DNAI4: variants seen among roughly 807,000 people sequenced by gnomAD.
DNAI4 encodes the protein dynein axonemal intermediate chain 4, also known as WD repeat domain 78.
In DNAI4, 85 loss-of-function variants were observed where a neutral mutation model predicts 105.8. The observed-to-expected ratio is 0.80, with a 90% CI of 0.67 to 0.96. The LOEUF (loss-of-function observed/expected upper bound fraction) is 0.96. DNAI4 is among the 40% of genes least tolerant of loss of function. DNAI4 has a pLI of 0.00. For missense variants in DNAI4, 1,014 were observed against 1,005.6 expected (o/e 1.01, Z -0.11); for synonymous variants, 352 against 331.5 (o/e 1.06, Z -0.67).
At chr1:66,881,354 C>T (rs1488744247) in intron 4 of DNAI4, among the ~76,000 whole-genome samples, 1 of 152,232 alleles carries the variant, frequency 6.6e-6, no homozygotes, top group Non-Finnish European at 1.5e-5. Context: ...CACTGCCAAC[C>T]CATGAAAGCA....
At chr1:66,893,059 G>GAAAGAAAGAAAGAAAGAAAGAA (rs780472953) in intron 3 of DNAI4, among the ~76,000 whole-genome samples, 170 bp downstream of exon 3, 1 of 56,498 alleles carries the variant, frequency 1.8e-5, no homozygotes, top group African/African-American at 7.3e-5. Flanking sequence ...AAGAAAGAGA[G>GAAAGAAAGAAAGAAAGAAAGAA]AGAGAGAAAG....
At chr1:66,843,841 A>G (rs1288630118) in intron 8 of DNAI4, among the ~76,000 whole-genome samples, 2 of 152,080 alleles carry the variant, frequency 1.3e-5, no homozygotes, top group Admixed American at 6.6e-5. Flanking sequence ...TAGGCTCTCT[A>G]TTCTGTTCTA....
At chr1:66,906,157 G>A (rs1338699782) in intron 1 of DNAI4, among the ~76,000 whole-genome samples, 8 of 152,082 alleles carry the variant, frequency 5.3e-5, no homozygotes, top group South Asian at 2.1e-4. Context: ...TCCTGGCCTC[G>A]TGATCGTCTC....
chr1:66,910,933 G>A (rs1649611779), intron 1 of DNAI4, among the ~76,000 whole-genome samples: 1 of 152,106 alleles, frequency 6.6e-6, no homozygotes, highest in African/African-American at 2.4e-5. Flanking sequence ...AATGCGTAGG[G>A]TTTCTCCCCA....
Position 66,875,067 on chromosome 1 carries a change from G to A in DNAI4, c.644-130C>T, listed in dbSNP as rs1159675372. ...GTTTATATAGTCAAGGAACAGGCCAGGTTGTGAGATGTAGTATATTCAACC... is the reference window on the plus strand; with the variant it reads ...GTTTATATAGTCAAGGAACAGGCCAAGTTGTGAGATGTAGTATATTCAACC... On this transcript the variant is annotated intron_variant, in intron 4 of 16. Transcript: ENST00000371026. The A allele has an allele frequency of 5.7e-6, 5 of 875,874 alleles. No homozygotes were observed. In the African/African-American group the frequency reaches 6.9e-5, roughly 12 times the overall value. 54.3% of individuals were successfully genotyped at this position (875,874 alleles called of 1,614,324 possible). A position where few individuals can be genotyped will look rare whatever the true frequency, so the allele number is the denominator to read the frequency against.
intron 2 of DNAI4, among the ~76,000 whole-genome samples, chr1:66,902,286 AT>A (rs1648891016): frequency 6.6e-6 from 1 of 151,748 alleles, no homozygotes; most frequent in African/African-American, 2.4e-5. Flanking sequence ...TCTTACTGTG[AT>A]TTTGATTTGC....
At chr1:66,820,954 T>C (rs1191217690) in intron 16 of DNAI4, among the ~76,000 whole-genome samples, 1 of 152,156 alleles carries the variant, frequency 6.6e-6, no homozygotes, top group Admixed American at 6.5e-5. Flanking sequence ...TCTGTTTTCC[T>C]TTTCCTTTTC....
At chr1:66,864,626 C>A (rs1413695137) in intron 6 of DNAI4, among the ~76,000 whole-genome samples, 1 of 152,044 alleles carries the variant, frequency 6.6e-6, no homozygotes, top group African/African-American at 2.4e-5. Flanking sequence ...CTGAGGCGGG[C>A]AGATCACGAG....
chr1:66,842,029 T>C (rs1646160053), intron 8 of DNAI4, among the ~76,000 whole-genome samples: 1 of 152,240 alleles, frequency 6.6e-6, no homozygotes, highest in Non-Finnish European at 1.5e-5. Context: ...CTGACTATTT[T>C]ACTGTCTCCA....
intron 1 of DNAI4, among the ~76,000 whole-genome samples, chr1:66,907,491 C>T (rs999843242): frequency 6.6e-6 from 1 of 152,130 alleles, no homozygotes; most frequent in Non-Finnish European, 1.5e-5. Flanking sequence ...TTCCTTTGAG[C>T]TCCCCTTTTA....
At chr1:66,909,285 T>TACACACAC (rs71058481) in intron 1 of DNAI4, among the ~76,000 whole-genome samples, 10,988 of 134,402 alleles carry the variant, frequency 0.082, 609 homozygotes, top group South Asian at 0.16. Context: ...CACCTCTCTC[T>TACACACAC]ACACACACAC....
At chr1:66,911,864 C>A in intron 1 of DNAI4, among the ~76,000 whole-genome samples, 1 of 152,074 alleles carries the variant, frequency 6.6e-6, no homozygotes, top group South Asian at 2.1e-4. Context: ...TTCTTTGAGA[C>A]AGAGTCTCAC....
chr1:66,819,363 C>T (rs1645579113), intron 16 of DNAI4, among the ~76,000 whole-genome samples: 1 of 152,104 alleles, frequency 6.6e-6, no homozygotes, highest in Admixed American at 6.6e-5. Flanking sequence ...TTTCCTCTTC[C>T]CATTCACCTT....
intron 1 of DNAI4, among the ~76,000 whole-genome samples, chr1:66,914,137 T>C (rs929102613): frequency 4.6e-5 from 7 of 151,888 alleles, no homozygotes; most frequent in African/African-American, 7.3e-5. Flanking sequence ...AAATAAAAAG[T>C]GGGAAATAAA....
At chr1:66,920,162 C>T (rs1044771856) in intron 1 of DNAI4, among the ~76,000 whole-genome samples, 3 of 152,204 alleles carry the variant, frequency 2.0e-5, no homozygotes, top group African/African-American at 4.8e-5. Context: ...AGCAGCTGGA[C>T]GTTGGAAGTC....
At chr1:66,920,110 C>A (rs1650357496) in intron 1 of DNAI4, among the ~76,000 whole-genome samples, 5 of 152,182 alleles carry the variant, frequency 3.3e-5, no homozygotes, top group Admixed American at 3.3e-4. Flanking sequence ...GTCCCACTAT[C>A]CTGCACCCAT....
chr1:66,845,395 T>C (rs1646255195), intron 8 of DNAI4, among the ~76,000 whole-genome samples: 1 of 152,144 alleles, frequency 6.6e-6, no homozygotes, highest in African/African-American at 2.4e-5. Context: ...CAACTGAGAC[T>C]CTTATACATT....
At chr1:66,852,371 A>C (rs1646414440) in intron 7 of DNAI4, among the ~76,000 whole-genome samples, 1 of 152,054 alleles carries the variant, frequency 6.6e-6, no homozygotes, top group Admixed American at 6.5e-5. Context: ...ATACTTGCTC[A>C]TTCATTTTAT....
At chr1:66,877,147 C>G (rs530667035) in intron 4 of DNAI4, among the ~76,000 whole-genome samples, 2 of 152,282 alleles carry the variant, frequency 1.3e-5, no homozygotes, top group Non-Finnish European at 2.9e-5. Context: ...ATGAAGCCTT[C>G]CTTGGCCTCT....
Sources: gnomAD v4.1 joint callset for allele counts (sites outside exome capture counted in the v4.1 genomes callset) on GRCh38, gnomAD v4.1.1 for gene constraint, MANE v1.5 for transcripts, NCBI Gene and HGNC (gene_info 2026-07-23, HGNC 2026-07-21) for gene names.